Variants in PDE3B observed in about 807,000 individuals in gnomAD.
PDE3B encodes the protein phosphodiesterase 3B, also known as cGMP-inhibited 3',5'-cyclic phosphodiesterase 3B.
In PDE3B, 66 loss-of-function variants were observed where a neutral mutation model predicts 116.8. The observed-to-expected ratio is 0.56, with a 90% CI of 0.46 to 0.69. The LOEUF (loss-of-function observed/expected upper bound fraction) is 0.69, where lower values mean the gene tolerates loss of function less well. Among genes scored for constraint, PDE3B ranks in the 30% least tolerant of loss-of-function variants. The pLI is 0.00. For synonymous variants in PDE3B, 595 were observed against 533.6 expected, an observed-to-expected ratio of 1.12 and a Z score of -1.59; for missense variants, 1,384 against 1,368.1, an observed-to-expected ratio of 1.01 and a Z score of -0.18.
intron 14 of PDE3B, 54 bp from the exon 15 acceptor site, chr11:14,867,452 C>T: frequency 6.7e-7 from 1 of 1,501,624 alleles, no homozygotes; most frequent in Non-Finnish European, 9.1e-7. Flanking sequence ...CAGCAAAGCT[C>T]AGTGGTGGTT....
chr11:14,645,008 C>G lies in PDE3B; in HGVS notation c.933C>G (p.Cys311Trp). 6.2e-7 allele frequency: 1 copy of G among 1,613,262 alleles called. No individual in the cohort carries two copies. Reference sequence around the variant, plus strand: ...CTGCAGCCAGTTACTATGGCAGTTGCAAAATATTCAGGAGACCGTCGTTGC... The same window carrying G: ...CTGCAGCCAGTTACTATGGCAGTTGGAAAATATTCAGGAGACCGTCGTTGC... ...GETAASYYGS[C>W]KIFRRPSLPC... is the part of the protein sequence containing the mutation. The change falls in exon 1 of 16, where the codon TGC becomes TGG. Residue 311 changes from cysteine to tryptophan, a missense_variant. Physicochemically the swap from Cys to Trp is radical, Grantham distance 215. Coordinates refer to ENST00000282096, the MANE Select transcript of PDE3B (RefSeq NM_000922.4).
At chr11:14,872,421 G>A (rs547482154), downstream of PDE3B, among the ~76,000 whole-genome samples, 18 of 152,238 alleles carry the variant, frequency 1.2e-4, no homozygotes, top group African/African-American at 4.3e-4. Flanking sequence ...CATGTACAGA[G>A]GCCAGAAGAG....
chr11:14,723,944 T>A (rs1157088378), intron 1 of PDE3B, among the ~76,000 whole-genome samples: 2 of 152,208 alleles, frequency 1.3e-5, no homozygotes, highest in Non-Finnish European at 2.9e-5. Context: ...GATGTTTTAT[T>A]CTACTTCCTA....
chr11:14,746,873 G>A (rs577567087), intron 1 of PDE3B, among the ~76,000 whole-genome samples: 3 of 152,260 alleles, frequency 2.0e-5, no homozygotes, highest in Non-Finnish European at 4.4e-5. Flanking sequence ...CATCTCTATG[G>A]CTTTAGTCAC....
chr11:14,737,115 A>G (rs181748899), intron 1 of PDE3B, among the ~76,000 whole-genome samples: 2 of 152,358 alleles, frequency 1.3e-5, no homozygotes, highest in East Asian at 3.9e-4. Flanking sequence ...ACATTTGTAA[A>G]ACATTTAGAA....
At chr11:14,722,082 T>G (rs1386929608) in intron 1 of PDE3B, among the ~76,000 whole-genome samples, 1 of 150,798 alleles carries the variant, frequency 6.6e-6, no homozygotes, top group Non-Finnish European at 1.5e-5. Context: ...CACCGCATGT[T>G]CTCACTCATA....
At chr11:14,828,934 G>C (rs1328535394) in intron 7 of PDE3B, among the ~76,000 whole-genome samples, 1 of 152,158 alleles carries the variant, frequency 6.6e-6, no homozygotes, top group South Asian at 2.1e-4. Context: ...TGATAGATTG[G>C]ATAAAGAAAA....
In PDE3B at chr11:14,712,140, C is replaced by T. The variant is rs538888587; in HGVS notation, c.979-59797C>T. Among the ~76,000 whole-genome samples the T allele has an allele frequency of 1.4e-3, 206 of 152,298 alleles. 1 individual carries two copies. Among genetic ancestry groups the T allele is most frequent in the African/African-American group, 4.5e-3 (187 of 41,570 alleles). On this transcript the variant is annotated intron_variant, in intron 1 of 15. Transcript: ENST00000282096. ...TTTCTCTGTCCCCCACACTGGAGTG[C>T]GGTAATGCGATCATAGCTCACTGTA... is the stretch of plus-strand genomic sequence containing the variant.
chr11:14,873,555 G>C (rs1202426724), downstream of PDE3B, among the ~76,000 whole-genome samples: 1 of 152,152 alleles, frequency 6.6e-6, no homozygotes, highest in Non-Finnish European at 1.5e-5. Context: ...CACTGAGATA[G>C]GGTATATCAG....
chr11:14,777,085 T>A (rs969745961), intron 2 of PDE3B, among the ~76,000 whole-genome samples: 2 of 151,896 alleles, frequency 1.3e-5, no homozygotes, highest in East Asian at 3.9e-4. Flanking sequence ...AAATGGAAAG[T>A]ATAGAGCTGA....
At chr11:14,653,336 A>G (rs1387423855) in intron 1 of PDE3B, among the ~76,000 whole-genome samples, 2 of 152,248 alleles carry the variant, frequency 1.3e-5, no homozygotes, top group African/African-American at 2.4e-5. Flanking sequence ...AATAATTCCT[A>G]CAGATAAAAT....
intron 1 of PDE3B, among the ~76,000 whole-genome samples, chr11:14,679,888 G>C (rs1000903591): frequency 2.6e-5 from 4 of 152,010 alleles, no homozygotes; most frequent in African/African-American, 9.7e-5. Flanking sequence ...CAGGAAGCAT[G>C]CTGTTCCACT....
rs1168814223 is a variant in PDE3B, at chr11:14,765,266, G to A, written c.979-6671G>A. On this transcript the variant is annotated intron_variant, in intron 1 of 15. Transcript: ENST00000282096. ...TCACATAAATATAACAGTTCTGTAA[G>A]CTTGATTTGAGGGCACATACATGTT... Among the ~76,000 whole-genome samples the A allele has an allele frequency of 2.0e-5, 3 of 151,902 alleles. 1 individual carries two copies. In the East Asian group the frequency reaches 5.8e-4, roughly 29 times the overall value.
chr11:14,811,739 C>T (rs1859139170), intron 5 of PDE3B, among the ~76,000 whole-genome samples: 1 of 151,858 alleles, frequency 6.6e-6, no homozygotes, highest in Non-Finnish European at 1.5e-5. Context: ...GGCAGTATGG[C>T]CATTTTCACA....
chr11:14,712,764 T>C (rs1288176384), intron 1 of PDE3B, among the ~76,000 whole-genome samples: 1 of 152,212 alleles, frequency 6.6e-6, no homozygotes, highest in Non-Finnish European at 1.5e-5. Flanking sequence ...CATGAGCCAC[T>C]GCGCCTGGCC....
intron 3 of PDE3B, among the ~76,000 whole-genome samples, chr11:14,786,898 A>G (rs1004610634): frequency 1.3e-5 from 2 of 152,060 alleles, no homozygotes; most frequent in African/African-American, 4.8e-5. Flanking sequence ...ATTAGCACTT[A>G]TAACAACTAT....
At chr11:14,818,025 A>G (rs962595193) in intron 5 of PDE3B, among the ~76,000 whole-genome samples, 158 bp from the exon 6 acceptor site, 2 of 152,348 alleles carry the variant, frequency 1.3e-5, no homozygotes, top group East Asian at 3.9e-4. Context: ...AAGTTTCTAG[A>G]ATATTGTGAG....
At chr11:14,659,560 A>C (rs1853827616) in intron 1 of PDE3B, among the ~76,000 whole-genome samples, 1 of 152,200 alleles carries the variant, frequency 6.6e-6, no homozygotes, top group Non-Finnish European at 1.5e-5. Flanking sequence ...TTGTAAAGGT[A>C]AACTTGTGTC....
chr11:14,844,013 C>T lies in PDE3B; in HGVS notation c.2507C>T (p.Thr836Ile), dbSNP rs754760154. Residue 836 changes from threonine (T) to isoleucine (I), a missense_variant, in exon 12 of 16, where the codon ACA (threonine) becomes ATA (isoleucine). Physicochemically the swap from Thr to Ile is moderately conservative, Grantham distance 89. Around this residue, in one of 2 missense-constraint regions of PDE3B, gnomAD observed 428 missense variants for 561.4 expected, o/e 0.76. Coordinates refer to ENST00000282096, the MANE Select transcript of PDE3B (RefSeq NM_000922.4). Reference sequence around the variant, plus strand: ...AGGACAAATGCATTTCTAGTGGCTACAAATGCCCCTCAGGTAGGAAATATT... The same window carrying T: ...AGGACAAATGCATTTCTAGTGGCTATAAATGCCCCTCAGGTAGGAAATATT... ...PGRTNAFLVA[T>I]NAPQAVLYND... is the part of the protein sequence containing the mutation. The T allele has an allele frequency of 6.2e-7, 1 of 1,612,310 alleles. No homozygotes were observed. The highest frequency in any genetic ancestry group is 1.3e-5 in the African/African-American group (1 of 74,870).
Sources: gnomAD v4.1 joint callset for allele counts (sites outside exome capture counted in the v4.1 genomes callset) on GRCh38, gnomAD v4.1.1 for gene constraint, gnomAD v4.1.1 regional missense constraint, MANE v1.5 for transcripts, NCBI Gene and HGNC (gene_info 2026-07-23, HGNC 2026-07-21) for gene names.